The following MAF variants were observed in gnomAD, a reference collection of about 807,000 sequenced individuals.
MAF encodes the protein transcription factor Maf.
Under a neutral mutation model 22.0 loss-of-function variants are expected in MAF, and 10 were observed. That is an observed-to-expected ratio of 0.45 (90% CI 0.28 to 0.77). The LOEUF (loss-of-function observed/expected upper bound fraction) is 0.77, where lower values mean the gene tolerates loss of function less well. MAF is among the 30% of genes least tolerant of loss of function. MAF has a pLI of 0.12. For missense variants in MAF, 544 were observed against 548.4 expected (o/e 0.99, Z 0.08); for synonymous variants, 337 against 255.8 (o/e 1.32, Z -3.03).
chr16:79,354,699 C>G, the MAF span, among the ~76,000 whole-genome samples: 4 of 152,186 alleles, frequency 2.6e-5, no homozygotes, highest in African/African-American at 4.8e-5. Flanking sequence ...AACTGTCCTG[C>G]AGGACAAAAC....
the MAF span, among the ~76,000 whole-genome samples, chr16:79,575,914 A>C: frequency 6.6e-6 from 1 of 152,126 alleles, no homozygotes. Context: ...GTCTGGGTCA[A>C]TTTAATCAGT....
the MAF span, among the ~76,000 whole-genome samples, chr16:79,417,955 T>A: frequency 6.6e-6 from 1 of 152,062 alleles, no homozygotes; most frequent in Admixed American, 6.6e-5. Context: ...CCGGAGAGTT[T>A]CCCCCGACTG....
chr16:79,236,944 G>GAAA, the MAF span, among the ~76,000 whole-genome samples: 1,086 of 140,612 alleles, frequency 7.7e-3, 20 homozygotes, highest in Non-Finnish European at 7.1e-3. Flanking sequence ...ATAAATCTCG[G>GAAA]AAAAAAAAAA....
At chr16:79,207,226 G>C in the MAF span, among the ~76,000 whole-genome samples, 1 of 152,348 alleles carries the variant, frequency 6.6e-6, no homozygotes, top group South Asian at 2.1e-4. Flanking sequence ...TGTATTCACA[G>C]AGTCAATGGA....
chr16:79,554,512 A>C, the MAF span, among the ~76,000 whole-genome samples: 1 of 152,198 alleles, frequency 6.6e-6, no homozygotes, highest in Non-Finnish European at 1.5e-5. Context: ...TCTAAATGGG[A>C]TTTTAGAAAA....
the MAF span, among the ~76,000 whole-genome samples, chr16:79,424,424 T>C: frequency 6.6e-6 from 1 of 152,204 alleles, no homozygotes; most frequent in African/African-American, 2.4e-5. Context: ...AAGGTTGCAT[T>C]ATGGCTTCTG....
chr16:79,522,893 C>T, the MAF span, among the ~76,000 whole-genome samples: 1 of 152,324 alleles, frequency 6.6e-6, no homozygotes, highest in Non-Finnish European at 1.5e-5. Flanking sequence ...ACTCACAGTG[C>T]TGGCATATCC....
intron 1 of MAF, chr16:79,596,169 A>G (rs1347975634): frequency 9.4e-7 from 1 of 1,062,720 alleles, no homozygotes; most frequent in East Asian, 5.1e-5. Context: ...GTGTAGGGCC[A>G]TGCTCAGGAA....
At chr16:79,225,551 CT>C in the MAF span, among the ~76,000 whole-genome samples, 1 of 152,188 alleles carries the variant, frequency 6.6e-6, no homozygotes, top group East Asian at 1.9e-4. Flanking sequence ...TAAATAGCTT[CT>C]TCACAGCAAA....
the MAF span, among the ~76,000 whole-genome samples, chr16:79,216,432 G>A: frequency 1.7e-4 from 26 of 152,108 alleles, no homozygotes; most frequent in Admixed American, 1.4e-3. Flanking sequence ...TGAACTTTAC[G>A]ATGATGTAAA....
the MAF span, among the ~76,000 whole-genome samples, chr16:79,482,094 G>C: frequency 2.0e-5 from 3 of 152,302 alleles, 1 homozygote; most frequent in South Asian, 6.2e-4. Context: ...AAAAGTGTTT[G>C]TAACTGCAGA....
At chr16:79,409,488 A>G in the MAF span, among the ~76,000 whole-genome samples, 1 of 152,200 alleles carries the variant, frequency 6.6e-6, no homozygotes, top group Non-Finnish European at 1.5e-5. Flanking sequence ...CTTGCTCGAT[A>G]GCTTGGGTCC....
At chr16:79,220,597 C>A in the MAF span, among the ~76,000 whole-genome samples, 1 of 151,956 alleles carries the variant, frequency 6.6e-6, no homozygotes, top group East Asian at 1.9e-4. Flanking sequence ...AAATTTCTAC[C>A]CTTTACCACC....
chr16:79,209,139 AAGTT>A, the MAF span, among the ~76,000 whole-genome samples: 1 of 152,212 alleles, frequency 6.6e-6, no homozygotes, highest in African/African-American at 2.4e-5. Context: ...TCCTGATAAA[AAGTT>A]AGGCTTTTCA....
At chr16:79,258,119 C>A in the MAF span, among the ~76,000 whole-genome samples, 1 of 152,122 alleles carries the variant, frequency 6.6e-6, no homozygotes, top group African/African-American at 2.4e-5. Context: ...GCCTGTAAGC[C>A]GCAGAATCTG....
the MAF span, among the ~76,000 whole-genome samples, chr16:79,463,689 G>A: frequency 6.6e-6 from 1 of 152,070 alleles, no homozygotes; most frequent in Non-Finnish European, 1.5e-5. Context: ...GGTTGGCATT[G>A]GACGTGTAAA....
chr16:79,434,751 A>C, the MAF span, among the ~76,000 whole-genome samples: 22 of 152,250 alleles, frequency 1.4e-4, no homozygotes, highest in African/African-American at 5.1e-4. Flanking sequence ...ATATGATAGA[A>C]TAGGAAATGA....
the MAF span, among the ~76,000 whole-genome samples, chr16:79,373,894 G>A: frequency 1.3e-5 from 2 of 152,140 alleles, no homozygotes; most frequent in African/African-American, 4.8e-5. Flanking sequence ...TCTGCTATGT[G>A]CAACATAAAA....
chr16:79,417,944 C>T, the MAF span, among the ~76,000 whole-genome samples: 5 of 152,098 alleles, frequency 3.3e-5, no homozygotes, highest in Admixed American at 2.0e-4. Context: ...TCTGCTTCAC[C>T]CCGGAGAGTT....
Sources: allele counts gnomAD v4.1 joint callset (sites outside exome capture counted in the v4.1 genomes callset), GRCh38; gene constraint gnomAD v4.1.1; transcripts MANE v1.5; gene names NCBI Gene and HGNC (gene_info 2026-07-23, HGNC 2026-07-21).